The following CEP70 variants were observed in gnomAD, a reference collection of about 807,000 sequenced individuals.
CEP70 encodes the protein centrosomal protein of 70 kDa.
A neutral mutation model predicts 90.9 loss-of-function variants in CEP70; 70 were observed. That is an observed-to-expected ratio of 0.77 (90% CI 0.64 to 0.94). CEP70 has a LOEUF of 0.94. CEP70 is among the 40% of genes least tolerant of loss of function. CEP70 has a pLI of 0.00. For synonymous variants in CEP70, 220 were observed against 228.3 expected, an observed-to-expected ratio of 0.96 and a Z score of 0.33; for missense variants, 648 against 669.0, an observed-to-expected ratio of 0.97 and a Z score of 0.35.
chr3:138,495,210 G>GT, intron 17 of CEP70, 134 bp from the exon 18 acceptor site: 1 of 573,942 alleles, frequency 1.7e-6, no homozygotes, highest in Non-Finnish European at 3.1e-6. Context: ...TGCACATGAA[G>GT]TTTTTCTCCG....
At chr3:138,529,153 A>G in intron 10 of CEP70, 46 bp downstream of exon 10, 1 of 1,188,464 alleles carries the variant, frequency 8.4e-7, no homozygotes, top group Non-Finnish European at 1.2e-6. Flanking sequence ...TGACAGAGTG[A>G]GACCCTGTCT....
intron 11 of CEP70, among the ~76,000 whole-genome samples, chr3:138,520,036 G>C (rs1220439008): frequency 1.3e-5 from 2 of 152,160 alleles, no homozygotes; most frequent in Non-Finnish European, 2.9e-5. Flanking sequence ...TGCAATCCTA[G>C]TCTCTGATAA....
At chr3:138,579,687 C>A (rs1275709862) in intron 2 of CEP70, among the ~76,000 whole-genome samples, 3 of 151,842 alleles carry the variant, frequency 2.0e-5, no homozygotes, top group Non-Finnish European at 4.4e-5. Context: ...GATTAAAGAG[C>A]CCTTGGGCAC....
At chr3:138,590,107 GAGA>G (rs992059411) in intron 2 of CEP70, among the ~76,000 whole-genome samples, 2 of 151,820 alleles carry the variant, frequency 1.3e-5, no homozygotes, top group South Asian at 2.1e-4. Context: ...AAGAAAAAAT[GAGA>G]AGAACATAAG....
At position 138,571,249 on chromosome 3, in the gene CEP70, G is replaced by C; in HGVS notation, c.160+17C>G. On this transcript the variant is annotated intron_variant, in intron 4 of 17. Transcript: ENST00000264982. ...ATAAACTTTTTACCTTAAGCATCAA[G>C]AATAGGATCTAATTACCTTTGAGAT... 1 of 1,589,046 alleles carries C rather than the reference G, an allele frequency of 6.3e-7. No individual in the cohort carries two copies.
chr3:138,513,616 T>C (rs2035731660), intron 11 of CEP70, among the ~76,000 whole-genome samples: 1 of 152,234 alleles, frequency 6.6e-6, no homozygotes, highest in Admixed American at 6.5e-5. Flanking sequence ...CTTTTCATTT[T>C]GGCCTCTTGT....
At chr3:138,564,825 T>C (rs2040667389) in intron 6 of CEP70, among the ~76,000 whole-genome samples, 2 of 152,140 alleles carry the variant, frequency 1.3e-5, no homozygotes, top group South Asian at 4.1e-4. Flanking sequence ...CTATTCAACA[T>C]AGTATTGGAA....
chr3:138,580,026 G>A (rs1388320939), intron 2 of CEP70, among the ~76,000 whole-genome samples: 1 of 152,008 alleles, frequency 6.6e-6, no homozygotes, highest in Non-Finnish European at 1.5e-5. Flanking sequence ...TTCACCAGCT[G>A]ACTAAAGAGC....
intron 2 of CEP70, among the ~76,000 whole-genome samples, chr3:138,574,686 C>A (rs2041396374): frequency 6.6e-6 from 1 of 152,164 alleles, no homozygotes; most frequent in African/African-American, 2.4e-5. Flanking sequence ...AGACACCTCC[C>A]AGTAGGGCCC....
chr3:138,509,359 A>C lies in CEP70; in HGVS notation c.945-815T>G, dbSNP rs77742180. Among the ~76,000 whole-genome samples, 1,080 of 152,308 alleles carry C rather than the reference A, an allele frequency of 7.1e-3. 13 individuals carry two copies. The highest frequency in any genetic ancestry group is 0.025 in the African/African-American group (1,034 of 41,566). On this transcript the variant is annotated intron_variant, in intron 11 of 17. Transcript: ENST00000264982. ...TATTCTACCAGTGGCAAAGAACAGAAAATGGCAATGCCTGGGCCAGTCAAG... is the reference window on the plus strand; with the variant it reads ...TATTCTACCAGTGGCAAAGAACAGACAATGGCAATGCCTGGGCCAGTCAAG...
At chr3:138,564,741 T>TACTG (rs1328424671) in intron 6 of CEP70, among the ~76,000 whole-genome samples, 2 of 152,110 alleles carry the variant, frequency 1.3e-5, no homozygotes, top group African/African-American at 4.8e-5. Flanking sequence ...CCCAATATCA[T>TACTG]ACTGAATGGG....
intron 6 of CEP70, among the ~76,000 whole-genome samples, chr3:138,544,539 G>GTATGTA (rs879662255): frequency 6.0e-5 from 9 of 150,078 alleles, no homozygotes; most frequent in African/African-American, 2.0e-4. Flanking sequence ...ATGTATGTAT[G>GTATGTA]TGTGTGTGTG....
At chr3:138,579,249 C>T (rs1287309723) in intron 2 of CEP70, among the ~76,000 whole-genome samples, 1 of 152,098 alleles carries the variant, frequency 6.6e-6, no homozygotes, top group Non-Finnish European at 1.5e-5. Flanking sequence ...AGTTAAAGTG[C>T]TCTGGGGTCC....
intron 6 of CEP70, among the ~76,000 whole-genome samples, chr3:138,563,000 G>A (rs567373340): frequency 7.2e-5 from 11 of 152,058 alleles, no homozygotes; most frequent in South Asian, 2.1e-4. Context: ...ATAAAGGGAC[G>A]GAGGAATATT....
chr3:138,519,201 T>C (rs895486329), intron 11 of CEP70, among the ~76,000 whole-genome samples: 1 of 152,272 alleles, frequency 6.6e-6, no homozygotes, highest in East Asian at 1.9e-4. Context: ...CAAATCTACG[T>C]CTGATTGATG....
chr3:138,500,159 C>A lies in CEP70; in HGVS notation c.1603G>T (p.Asp535Tyr). 1.2e-6 allele frequency: 2 copies of A among 1,613,946 alleles called. No homozygotes were observed. Among genetic ancestry groups the A allele is most frequent in the Non-Finnish European group, 1.7e-6 (2 of 1,179,812 alleles). The change falls in exon 16 of 18, where the codon GAT becomes TAT. Residue 535 changes from aspartate to tyrosine, a missense_variant. Asp to Tyr is a radical substitution (Grantham distance 160). Coordinates refer to ENST00000264982, the MANE Select transcript of CEP70 (RefSeq NM_024491.4). ...ACCTGCATAACCTGCTCATTCACAT[C>A]TTCATTAATCAGCCTACAGAGTTTT... ...VGKLCRLINE[D>Y]VNEQVMQVLG...
chr3:138,509,269 T>C (rs1418685068), intron 11 of CEP70, among the ~76,000 whole-genome samples: 1 of 151,948 alleles, frequency 6.6e-6, no homozygotes, highest in Non-Finnish European at 1.5e-5. Context: ...GCAGGAAGCA[T>C]GGGAAGGGCC....
At chr3:138,556,914 T>C (rs995645219) in intron 6 of CEP70, among the ~76,000 whole-genome samples, 1 of 152,142 alleles carries the variant, frequency 6.6e-6, no homozygotes, top group Admixed American at 6.5e-5. Flanking sequence ...TTGTCATTGA[T>C]AACATCTTTT....
intron 11 of CEP70, among the ~76,000 whole-genome samples, chr3:138,522,264 C>A (rs1161449120): frequency 4.7e-5 from 7 of 149,198 alleles, no homozygotes; most frequent in Admixed American, 2.0e-4. Context: ...CGAGAAAAAC[C>A]CAAGAATGAT....
Sources: allele counts gnomAD v4.1 joint callset (sites outside exome capture counted in the v4.1 genomes callset), GRCh38; gene constraint gnomAD v4.1.1; transcripts MANE v1.5; gene names NCBI Gene and HGNC (gene_info 2026-07-23, HGNC 2026-07-21).